CWH43: variants seen among roughly 807,000 people sequenced by gnomAD.
CWH43 encodes the protein cell wall biogenesis 43 C-terminal homolog.
Under a neutral mutation model 85.7 loss-of-function variants are expected in CWH43, and 91 were observed. That is an observed-to-expected ratio of 1.06 (90% confidence interval 0.90 to 1.26). The LOEUF (loss-of-function observed/expected upper bound fraction) is 1.26. Ranked by LOEUF, CWH43 falls within the 50% of genes most tolerant of loss-of-function variation. The pLI is 0.00. For synonymous variants in CWH43, 323 were observed against 293.6 expected, an observed-to-expected ratio of 1.10 and a Z score of -1.02; for missense variants, 869 against 839.2, an observed-to-expected ratio of 1.04 and a Z score of -0.44.
chr4:49,003,758 C>T lies in CWH43; in HGVS notation c.826C>T (p.Leu276Phe). The T allele has an allele frequency of 6.2e-7, 1 of 1,613,998 alleles. No individual in the cohort carries two copies. The highest frequency in any genetic ancestry group is 1.3e-5 in the African/African-American group (1 of 75,048). Residue 276 changes from leucine (L) to phenylalanine (F), a missense_variant, in exon 7 of 16, where the codon CTT becomes TTT. Physicochemically the swap from Leu to Phe is conservative, Grantham distance 22. Transcript: ENST00000226432. Reference protein sequence around the residue: ...VTGTASAAGLLYLHTWAAAVS... With the variant: ...VTGTASAAGLFYLHTWAAAVS... Reference sequence around the variant, plus strand: ...AGGAACAGCTTCAGCTGCGGGGCTCCTTTACCTGCACACATGGGCAGCTGC... The same window carrying T: ...AGGAACAGCTTCAGCTGCGGGGCTCTTTTACCTGCACACATGGGCAGCTGC...
Position 48,998,235 on chromosome 4 carries a change from T to C in CWH43, c.714-225T>C, listed in dbSNP as rs191326220. 6.0e-4 allele frequency among the ~76,000 whole-genome samples: 91 copies of C among 152,366 alleles called. 1 individual carries two copies. The East Asian group carries it at 0.015, about 25-fold the overall frequency. Reference sequence around the variant, plus strand: ...AGAAAGCTTGGTTACTGTGTTTACATGATAAGTTGGCAGATATCATTGATC... The same window carrying C: ...AGAAAGCTTGGTTACTGTGTTTACACGATAAGTTGGCAGATATCATTGATC... On this transcript the variant is annotated intron_variant, in intron 5 of 15. Coordinates refer to ENST00000226432, the MANE Select transcript of CWH43 (RefSeq NM_025087.3).
At chr4:49,036,885 T>C (rs1347735780) in intron 12 of CWH43, among the ~76,000 whole-genome samples, 2 of 152,176 alleles carry the variant, frequency 1.3e-5, no homozygotes, top group Non-Finnish European at 2.9e-5. Context: ...CCAGCTCCTC[T>C]GGGAAGCCTC....
intron 1 of CWH43, among the ~76,000 whole-genome samples, chr4:48,987,267 G>A (rs187354117): frequency 6.6e-6 from 1 of 152,166 alleles, no homozygotes; most frequent in East Asian, 1.9e-4. Context: ...GTTGGGAGAT[G>A]TACAGTGCCT....
intron 12 of CWH43, among the ~76,000 whole-genome samples, chr4:49,036,891 G>A (rs1205701117): frequency 2.4e-4 from 36 of 152,140 alleles, no homozygotes; most frequent in Admixed American, 2.4e-3. Flanking sequence ...CCTCTGGGAA[G>A]CCTCCTCCAT....
chr4:49,031,924 A>C (rs1784112314), intron 11 of CWH43, among the ~76,000 whole-genome samples: 1 of 152,192 alleles, frequency 6.6e-6, no homozygotes, highest in South Asian at 2.1e-4. Context: ...TAAGTGTGAG[A>C]TACCCCAAGA....
At chr4:49,051,278 TC>T (rs956360553) in intron 15 of CWH43, among the ~76,000 whole-genome samples, 4 of 152,204 alleles carry the variant, frequency 2.6e-5, no homozygotes, top group African/African-American at 4.8e-5. Flanking sequence ...TGAAGTAACT[TC>T]ACTGGGGTCA....
intron 15 of CWH43, among the ~76,000 whole-genome samples, chr4:49,052,133 T>A (rs769342493): frequency 6.6e-6 from 1 of 152,156 alleles, no homozygotes; most frequent in African/African-American, 2.4e-5. Context: ...CAAGAAAAAA[T>A]TGTACCAAAG....
At chr4:48,993,066 C>A (rs1782703902) in intron 4 of CWH43, among the ~76,000 whole-genome samples, 1 of 152,172 alleles carries the variant, frequency 6.6e-6, no homozygotes, top group African/African-American at 2.4e-5. Flanking sequence ...CATCTCCTGA[C>A]TTTTCTTCTA....
intron 13 of CWH43, among the ~76,000 whole-genome samples, chr4:49,040,399 C>T (rs1784421174): frequency 6.6e-6 from 1 of 152,200 alleles, no homozygotes; most frequent in Admixed American, 6.5e-5. Context: ...ACATCCTCTC[C>T]AGCACCTGTC....
rs139841123 is a variant in CWH43 at position 49,048,122 on chromosome 4, A to G, written c.1866-2572A>G. Among the ~76,000 whole-genome samples, 58 of 152,330 alleles carry G rather than the reference A, an allele frequency of 3.8e-4. No homozygotes were observed. The East Asian group carries it at 0.011, about 29-fold the overall frequency. On this transcript the variant is annotated intron_variant, in intron 14 of 15. Transcript: ENST00000226432. ...GAGATATCGGAAATTCTAGAAAACG[A>G]CTTTTCATATAGGCTGAAATAGGTT...
At chr4:49,056,627 A>AT (rs555531544) in intron 15 of CWH43, among the ~76,000 whole-genome samples, 114 of 150,184 alleles carry the variant, frequency 7.6e-4, no homozygotes, top group East Asian at 4.5e-3. Context: ...TTAGTTTCAT[A>AT]TTTTTTTTTA....
At chr4:49,044,269 C>A (rs1029328807) in intron 13 of CWH43, among the ~76,000 whole-genome samples, 2 of 152,148 alleles carry the variant, frequency 1.3e-5, no homozygotes, top group African/African-American at 4.8e-5. Context: ...TTCCATGATT[C>A]AATTTAAGAA....
intron 14 of CWH43, among the ~76,000 whole-genome samples, chr4:49,048,131 A>G (rs1161057209): frequency 6.6e-6 from 1 of 152,170 alleles, no homozygotes; most frequent in Non-Finnish European, 1.5e-5. Flanking sequence ...GACTTTTCAT[A>G]TAGGCTGAAA....
intron 14 of CWH43, among the ~76,000 whole-genome samples, chr4:49,045,540 G>A (rs190039077): frequency 6.6e-6 from 1 of 152,026 alleles, no homozygotes; most frequent in African/African-American, 2.4e-5. Context: ...TTACCATGGT[G>A]TTACAGTTGT....
intron 9 of CWH43, among the ~76,000 whole-genome samples, chr4:49,018,978 C>T (rs1783649430): frequency 6.6e-6 from 1 of 152,144 alleles, no homozygotes; most frequent in African/African-American, 2.4e-5. Flanking sequence ...GAAAAGGATA[C>T]CTAATGTCAT....
Position 48,988,474 on chromosome 4 carries a change from T to G in CWH43, c.44-3T>G. On this transcript the variant is annotated splice_polypyrimidine_tract_variant and splice_region_variant and intron_variant, in intron 1 of 15. Coordinates refer to ENST00000226432, the MANE Select transcript of CWH43 (RefSeq NM_025087.3). The stretch of plus-strand genomic sequence containing the variant: ...CTCTCTTTAACTTTTTTTTTTTTTG[T>G]AGGATGTGTTTCTTGGTCTCTCTAC... 1.3e-6 allele frequency: 2 copies of G among 1,548,502 alleles called. No individual in the cohort carries two copies. The highest frequency in any genetic ancestry group is 1.7e-6 in the Non-Finnish European group (2 of 1,154,124).
At chr4:49,033,127 T>C (rs1784154308) in intron 12 of CWH43, among the ~76,000 whole-genome samples, 1 of 152,192 alleles carries the variant, frequency 6.6e-6, no homozygotes, top group African/African-American at 2.4e-5. Flanking sequence ...AACCCAGGGT[T>C]ACAAGTGCTT....
chr4:48,998,493 G>T lies in CWH43; in HGVS notation c.747G>T (p.Leu249Phe), dbSNP rs1782886608. The part of the protein sequence containing the change: ...GAVLLCLASG[L>F]MLPSCLWFRG... ...TACTGCTGTGCTTGGCAAGTGGATTGATGCTTCCATCTTGTTTGTGGTTTC... is the reference window on the plus strand; with the variant it reads ...TACTGCTGTGCTTGGCAAGTGGATTTATGCTTCCATCTTGTTTGTGGTTTC... Residue 249 changes from leucine to phenylalanine, a missense_variant, in exon 6 of 16, where the codon TTG becomes TTT. By Grantham distance (22) the Leu-to-Phe change is conservative (BLOSUM62 0). Transcript: ENST00000226432. The T allele has an allele frequency of 1.2e-6, 2 of 1,613,970 alleles. No individual in the cohort carries two copies. Among genetic ancestry groups the T allele is most frequent in the Non-Finnish European group, 1.7e-6 (2 of 1,179,866 alleles).
chr4:49,029,499 CT>C (rs1784028894), intron 10 of CWH43, among the ~76,000 whole-genome samples: 1 of 152,184 alleles, frequency 6.6e-6, no homozygotes, highest in Admixed American at 6.5e-5. Context: ...AAAGACCTGA[CT>C]GTCCCCCAGC....
Sources: gnomAD v4.1 joint callset for allele counts (sites outside exome capture counted in the v4.1 genomes callset) on GRCh38, gnomAD v4.1.1 for gene constraint, MANE v1.5 for transcripts, NCBI Gene and HGNC (gene_info 2026-07-23, HGNC 2026-07-21) for gene names.